Variants in MAGI1 observed in about 807,000 individuals in gnomAD.
MAGI1 encodes membrane associated guanylate kinase, WW and PDZ domain containing 1, also known as membrane-associated guanylate kinase, WW and PDZ domain-containing protein 1.
In MAGI1, 58 loss-of-function variants were observed where a neutral mutation model predicts 139.9. The observed-to-expected ratio is 0.41, with a 90% confidence interval of 0.34 to 0.52. The LOEUF (loss-of-function observed/expected upper bound fraction) is 0.52, where lower values mean the gene tolerates loss of function less well. Ranked by LOEUF, MAGI1 falls within the 20% of genes least tolerant of loss-of-function variation. The pLI, the probability that MAGI1 is intolerant of heterozygous loss-of-function variation, is 0.12. For synonymous variants in MAGI1, 812 were observed against 737.9 expected, an observed-to-expected ratio of 1.10 and a Z score of -1.63; for missense variants, 1,874 against 1,901.6, an observed-to-expected ratio of 0.99 and a Z score of 0.27.
intron 4 of MAGI1, among the ~76,000 whole-genome samples, chr3:65,474,612 TACAC>T (rs60798256): frequency 1.3e-5 from 2 of 150,640 alleles, no homozygotes; most frequent in South Asian, 2.1e-4. Flanking sequence ...CAAGCTTTTA[TACAC>T]ACACACACAC....
rs147915394 is a variant in MAGI1 at position 65,405,681 on chromosome 3, G to A, written c.2168-4211C>T. 1.4e-4 allele frequency among the ~76,000 whole-genome samples: 21 copies of A among 151,922 alleles called. 2 individuals carry two copies. Among genetic ancestry groups the A allele is most frequent in the African/African-American group, 4.1e-4 (17 of 41,442 alleles). ...GTGATCTTGCCTCACTGCAACCTCC[G>A]CCTCCCGGGTTCAAGCAATTCTCCT... On this transcript the variant is annotated intron_variant, in intron 12 of 22. Transcript: ENST00000402939.
chr3:65,934,173 T>G (rs1472005162), intron 1 of MAGI1, among the ~76,000 whole-genome samples: 1 of 151,680 alleles, frequency 6.6e-6, no homozygotes, highest in Non-Finnish European at 1.5e-5. Context: ...AAGAGGTGAA[T>G]CTAGGTGAGA....
Position 65,865,067 on chromosome 3 carries a change from G to C in MAGI1, c.313+172929C>G, listed in dbSNP as rs150596187. On this transcript the variant is annotated intron_variant, in intron 1 of 22. Transcript: ENST00000402939. ...AGCAGCACTCCTCTTCAATATTGTA[G>C]ATATGTACATCTGTAACTATGCCAT... Among the ~76,000 whole-genome samples the C allele has an allele frequency of 1.3e-4, 20 of 152,198 alleles. No homozygotes were observed. The East Asian group carries it at 3.1e-3, about 24-fold the overall frequency.
intron 3 of MAGI1, among the ~76,000 whole-genome samples, chr3:65,485,238 G>A (rs1951553281): frequency 6.6e-6 from 1 of 152,108 alleles, no homozygotes; most frequent in Non-Finnish European, 1.5e-5. Context: ...TCATAAAACT[G>A]CAATACTTTC....
At chr3:65,416,943 A>G (rs1282054771) in intron 12 of MAGI1, among the ~76,000 whole-genome samples, 12 of 152,234 alleles carry the variant, frequency 7.9e-5, no homozygotes, top group Admixed American at 7.2e-4. Context: ...AGACTCAGTA[A>G]GCACCATGGC....
chr3:65,607,855 C>T (rs1260956171), intron 2 of MAGI1, among the ~76,000 whole-genome samples: 1 of 151,924 alleles, frequency 6.6e-6, no homozygotes, highest in Non-Finnish European at 1.5e-5. Context: ...TCCTTTTGTA[C>T]TACAACTATA....
At chr3:65,468,625 C>T (rs1214429079) in intron 5 of MAGI1, among the ~76,000 whole-genome samples, 2 of 151,974 alleles carry the variant, frequency 1.3e-5, no homozygotes, top group Non-Finnish European at 1.5e-5. Flanking sequence ...GATCTGCCTG[C>T]CTTGGCCTCC....
chr3:65,747,841 G>C (rs571340165), intron 1 of MAGI1, among the ~76,000 whole-genome samples: 1 of 152,228 alleles, frequency 6.6e-6, no homozygotes, highest in African/African-American at 2.4e-5. Context: ...GAGTCTAAAA[G>C]AATGTCAAGA....
intron 1 of MAGI1, among the ~76,000 whole-genome samples, chr3:65,837,826 T>C (rs1053257328): frequency 3.3e-5 from 5 of 152,216 alleles, no homozygotes; most frequent in African/African-American, 1.2e-4. Flanking sequence ...AATTTCACAC[T>C]TCCTTATTCG....
chr3:65,394,023 C>T (rs549756368), intron 13 of MAGI1, among the ~76,000 whole-genome samples: 11 of 152,114 alleles, frequency 7.2e-5, no homozygotes, highest in Non-Finnish European at 1.2e-4. Flanking sequence ...AGAGAAAATG[C>T]GTATGTGCTT....
chr3:65,941,460 T>C (rs1239358632), intron 1 of MAGI1, among the ~76,000 whole-genome samples: 2 of 152,216 alleles, frequency 1.3e-5, no homozygotes, highest in African/African-American at 4.8e-5. Flanking sequence ...CTATTGACAT[T>C]TGGCGCTAGT....
At chr3:65,477,962 T>G (rs1295780450) in intron 4 of MAGI1, among the ~76,000 whole-genome samples, 1 of 151,656 alleles carries the variant, frequency 6.6e-6, no homozygotes, top group Non-Finnish European at 1.5e-5. Context: ...TGAATATAGA[T>G]AAAATATATA....
chr3:65,681,675 G>T (rs2087600388), intron 1 of MAGI1, among the ~76,000 whole-genome samples: 1 of 152,234 alleles, frequency 6.6e-6, no homozygotes, highest in East Asian at 1.9e-4. Flanking sequence ...AAGCTATCTT[G>T]CTTTTAAACA....
intron 1 of MAGI1, among the ~76,000 whole-genome samples, chr3:65,681,241 C>T (rs1186900581): frequency 1.3e-5 from 2 of 152,162 alleles, no homozygotes; most frequent in Non-Finnish European, 2.9e-5. Context: ...ATCCTTTCTC[C>T]CTGAATTTAT....
At chr3:66,030,702 CAGAG>C (rs1467314182) in intron 1 of MAGI1, among the ~76,000 whole-genome samples, 1 of 152,106 alleles carries the variant, frequency 6.6e-6, no homozygotes, top group Non-Finnish European at 1.5e-5. Context: ...GCAGGCAGGA[CAGAG>C]AAAGAGAAGT....
At chr3:65,887,452 C>T (rs1379267295) in intron 1 of MAGI1, among the ~76,000 whole-genome samples, 2 of 147,384 alleles carry the variant, frequency 1.4e-5, no homozygotes, top group Non-Finnish European at 3.0e-5. Context: ...ACAAATAAAA[C>T]CACAGCCTTC....
chr3:65,872,315 C>A (rs2059965357), intron 1 of MAGI1, among the ~76,000 whole-genome samples: 1 of 152,136 alleles, frequency 6.6e-6, no homozygotes, highest in Non-Finnish European at 1.5e-5. Context: ...GAATTTGAAT[C>A]CATATTAAAA....
Position 65,609,708 on chromosome 3 carries a change from T to C in MAGI1, c.430+12264A>G, listed in dbSNP as rs112840880. On this transcript the variant is annotated intron_variant, in intron 2 of 22. Transcript: ENST00000402939. ...CAGGTGATCCTCCCACCTCAGCCTA[T>C]TGAATTGCTAGAACTGCAGGTGTGC... The C allele has an allele frequency of 1.1e-3, 257 of 226,978 alleles. 3 individuals are homozygous for C. The highest frequency in any genetic ancestry group is 5.5e-3 in the African/African-American group (240 of 43,334). The allele number at this position is 226,978 out of a possible 1,614,324, so 14.1% of individuals were successfully genotyped here.
At chr3:65,582,148 G>T (rs1488136938) in intron 2 of MAGI1, among the ~76,000 whole-genome samples, 1 of 152,212 alleles carries the variant, frequency 6.6e-6, no homozygotes, top group South Asian at 2.1e-4. Flanking sequence ...GGCTGTACTT[G>T]AATGTAAGCG....
Sources: gnomAD v4.1 joint callset for allele counts (sites outside exome capture counted in the v4.1 genomes callset) on GRCh38, gnomAD v4.1.1 for gene constraint, MANE v1.5 for transcripts, NCBI Gene and HGNC (gene_info 2026-07-23, HGNC 2026-07-21) for gene names.